The following SYNE2 variants were observed in gnomAD, a reference collection of about 807,000 sequenced individuals.
SYNE2 encodes the protein nesprin-2.
A neutral mutation model predicts 856.3 loss-of-function variants in SYNE2; 431 were observed. The ratio of observed to expected loss-of-function variants is 0.50; its 90% confidence interval spans 0.47 to 0.55. The LOEUF (loss-of-function observed/expected upper bound fraction) is 0.55, where lower values mean the gene tolerates loss of function less well. SYNE2 is among the 20% of genes least tolerant of loss of function. The probability of loss-of-function intolerance (pLI) is 0.00; values close to 1 mark genes in which losing one functional copy is unlikely to be tolerated. For missense variants in SYNE2, 8,129 were observed against 8,023.2 expected (o/e 1.01, Z -0.50); for synonymous variants, 2,923 against 2,872.3 (o/e 1.02, Z -0.56).
At chr14:63,996,261 C>T (rs1200180640) in intron 23 of SYNE2, among the ~76,000 whole-genome samples, 1 of 152,212 alleles carries the variant, frequency 6.6e-6, no homozygotes, top group Non-Finnish European at 1.5e-5. Context: ...TTCTTCAGAA[C>T]AGCTTCTTCC....
In SYNE2 at chr14:64,000,258, T is replaced by C. The variant is rs139041703; in HGVS notation, c.3481-304T>C. 3.8e-3 allele frequency among the ~76,000 whole-genome samples: 577 copies of C among 152,342 alleles called. 1 individual carries two copies. Among genetic ancestry groups the C allele is most frequent in the African/African-American group, 0.013 (554 of 41,578 alleles). On this transcript the variant is annotated intron_variant, in intron 27 of 115. Coordinates refer to ENST00000555002, the MANE Select transcript of SYNE2 (RefSeq NM_182914.3). The stretch of plus-strand genomic sequence containing the variant: ...AGAAAACAGAATATCTGTTCTTACA[T>C]GTATGTATTTTTCTGAATTGTATTC...
At chr14:64,100,143 T>G (rs1020187620) in intron 63 of SYNE2, 1 of 151,920 alleles carries the variant, frequency 6.6e-6, no homozygotes, top group African/African-American at 2.4e-5. Context: ...TGGAATACTA[T>G]GCAGCCATAA....
intron 1 of SYNE2, among the ~76,000 whole-genome samples, chr14:63,794,281 G>A (rs745342828): frequency 2.6e-5 from 4 of 152,058 alleles, no homozygotes; most frequent in Non-Finnish European, 5.9e-5. Flanking sequence ...GAGTGCAATG[G>A]TGCGATCTTG....
intron 99 of SYNE2, among the ~76,000 whole-genome samples, chr14:64,191,508 G>A (rs1255989): frequency 0.063 from 9,572 of 152,184 alleles, 525 homozygotes; most frequent in East Asian, 0.32. Context: ...AGAGCAAACA[G>A]GTACAGAATA....
At chr14:63,913,754 A>G (rs879512510) in intron 2 of SYNE2, among the ~76,000 whole-genome samples, 1 of 151,630 alleles carries the variant, frequency 6.6e-6, no homozygotes. Flanking sequence ...GAGCCACAAC[A>G]CCTGGCCAGC....
chr14:64,225,445 C>T lies in SYNE2; in HGVS notation c.20643C>T (p.Asp6881=), dbSNP rs779652892. 5 of 1,614,198 alleles carry T rather than the reference C, an allele frequency of 3.1e-6. No homozygotes were observed. The East Asian group carries it at 8.9e-5, about 29-fold the overall frequency. The part of the protein sequence containing the change: ...LACLLPSSEE[D]YSCTQANNFA... ...GCCTGCTGCCCTCCTCCGAAGAAGA[C>T]TACAGCTGCACTCAGGCCAACAACT... Residue 6881 remains aspartate, a synonymous_variant, in exon 116 of 116, where the codon GAC becomes GAT. Transcript: ENST00000555002.
intron 1 of SYNE2, among the ~76,000 whole-genome samples, chr14:63,899,611 C>T (rs887867336): frequency 6.6e-6 from 1 of 151,350 alleles, no homozygotes; most frequent in Non-Finnish European, 1.5e-5. Context: ...GGGTGATCCT[C>T]CTGCCTCAGC....
intron 84 of SYNE2, among the ~76,000 whole-genome samples, chr14:64,151,422 A>T (rs890663068): frequency 5.0e-4 from 26 of 51,542 alleles, no homozygotes; most frequent in African/African-American, 2.4e-3. Flanking sequence ...AAAGGATTTA[A>T]AAAAAAAAAA....
intron 1 of SYNE2, among the ~76,000 whole-genome samples, chr14:63,858,819 C>T (rs1228711693): frequency 6.6e-6 from 1 of 152,100 alleles, no homozygotes; most frequent in Non-Finnish European, 1.5e-5. Flanking sequence ...TTTGAAGATA[C>T]TGTTCTTAAT....
intron 79 of SYNE2, among the ~76,000 whole-genome samples, chr14:64,138,847 C>T (rs1313524675): frequency 2.0e-5 from 3 of 151,818 alleles, no homozygotes; most frequent in East Asian, 1.9e-4. Context: ...TTCACTACCT[C>T]GGGCAAATAC....
chr14:64,193,578 A>G (rs1032054313), intron 99 of SYNE2, among the ~76,000 whole-genome samples: 5 of 152,106 alleles, frequency 3.3e-5, no homozygotes, highest in African/African-American at 1.2e-4. Context: ...AGGTGATCCT[A>G]CATAGGTACC....
chr14:63,806,589 T>C (rs1466019639), intron 1 of SYNE2, among the ~76,000 whole-genome samples: 1 of 152,170 alleles, frequency 6.6e-6, no homozygotes, highest in Non-Finnish European at 1.5e-5. Context: ...TTTCAGTTTC[T>C]TCCTAGTTCA....
intron 1 of SYNE2, among the ~76,000 whole-genome samples, chr14:63,765,447 G>C (rs1281955920): frequency 6.6e-6 from 1 of 152,092 alleles, no homozygotes; most frequent in Non-Finnish European, 1.5e-5. Context: ...CCGCCTCCTG[G>C]GTTCACACCA....
chr14:63,819,896 C>T (rs967221989), intron 1 of SYNE2, among the ~76,000 whole-genome samples: 8 of 151,836 alleles, frequency 5.3e-5, no homozygotes, highest in African/African-American at 1.9e-4. Flanking sequence ...AATCCAGTTA[C>T]AATAATATAT....
rs374343966 is a variant in SYNE2, at chr14:64,119,487, G to T, written c.12901G>T (p.Gly4301Cys). ...TCTGTTAGAGACTTGCAAAGATCAG[G>T]GCCTGGGAGATAATGGAGCCACTCA... ...AFLLETCKDQ[G>C]LGDNGATQHE... The change falls in exon 67 of 116, where the codon GGC becomes TGC. Residue 4301 changes from glycine (G) to cysteine (C), a missense_variant. Physicochemically the swap from Gly to Cys is radical, Grantham distance 159. This residue lies in a region of SYNE2 where 5,410 missense variants were observed against 5,284.8 expected (regional missense o/e 1.02). Coordinates refer to ENST00000555002, the MANE Select transcript of SYNE2 (RefSeq NM_182914.3). 4.0e-5 allele frequency: 65 copies of T among 1,614,072 alleles called. No homozygotes were observed. The highest frequency in any genetic ancestry group is 2.6e-5 in the Non-Finnish European group (31 of 1,180,048).
chr14:63,903,158 A>G (rs1270463250), intron 1 of SYNE2, among the ~76,000 whole-genome samples: 1 of 152,214 alleles, frequency 6.6e-6, no homozygotes, highest in Non-Finnish European at 1.5e-5. Context: ...TGTGTTGGAA[A>G]TGTCATCAAT....
rs140647726 is a variant in SYNE2, at chr14:64,071,226, G to A, written c.10697+316G>A. On this transcript the variant is annotated intron_variant, in intron 52 of 115. Coordinates refer to ENST00000555002, the MANE Select transcript of SYNE2 (RefSeq NM_182914.3). ...ATAGGAAATTCAGGCCGAGCGCGGTGGCTCACTCCTGTAATCCCAGCACTT... is the reference window on the plus strand; with the variant it reads ...ATAGGAAATTCAGGCCGAGCGCGGTAGCTCACTCCTGTAATCCCAGCACTT... Among the ~76,000 whole-genome samples, 4 of 152,254 alleles carry A rather than the reference G, an allele frequency of 2.6e-5. No homozygotes were observed. In the East Asian group the frequency reaches 7.7e-4, roughly 29 times the overall value.
chr14:64,171,665 C>G (rs1020049593), intron 94 of SYNE2, among the ~76,000 whole-genome samples: 1 of 152,068 alleles, frequency 6.6e-6, no homozygotes, highest in Non-Finnish European at 1.5e-5. Context: ...CACAGAGGAA[C>G]GGCAAAAAGG....
intron 1 of SYNE2, among the ~76,000 whole-genome samples, chr14:63,819,551 T>G (rs1889136071): frequency 6.6e-6 from 1 of 151,516 alleles, no homozygotes; most frequent in African/African-American, 2.4e-5. Context: ...CTTTTTTTTT[T>G]TTTGAGACAG....
Sources: gnomAD v4.1 joint callset for allele counts (sites outside exome capture counted in the v4.1 genomes callset) on GRCh38, gnomAD v4.1.1 for gene constraint, gnomAD v4.1.1 regional missense constraint, MANE v1.5 for transcripts, NCBI Gene and HGNC (gene_info 2026-07-23, HGNC 2026-07-21) for gene names.